PODXL: variants seen among roughly 807,000 people sequenced by gnomAD.
PODXL encodes the protein podocalyxin.
In PODXL, 20 loss-of-function variants were observed where a neutral mutation model predicts 48.9. That is an observed-to-expected ratio of 0.41 (90% CI 0.29 to 0.59). The LOEUF (loss-of-function observed/expected upper bound fraction) is 0.59. PODXL is among the 20% of genes least tolerant of loss of function. The probability of loss-of-function intolerance (pLI) is 0.31; values close to 1 mark genes in which losing one functional copy is unlikely to be tolerated. For synonymous variants in PODXL, 295 were observed against 287.4 expected, an observed-to-expected ratio of 1.03 and a Z score of -0.27; for missense variants, 606 against 675.1, an observed-to-expected ratio of 0.90 and a Z score of 1.13.
intron 1 of PODXL, among the ~76,000 whole-genome samples, chr7:131,546,493 AGGCG>A (rs1385557138): frequency 5.3e-5 from 8 of 152,028 alleles, no homozygotes; most frequent in South Asian, 2.1e-4. Context: ...TGGGAGGCTG[AGGCG>A]GGCGGATCAC....
At chr7:131,512,623 A>T (rs906702977) in intron 1 of PODXL, among the ~76,000 whole-genome samples, 6 of 152,168 alleles carry the variant, frequency 3.9e-5, no homozygotes, top group Non-Finnish European at 7.3e-5. Flanking sequence ...GCAGGGTCTT[A>T]TGACAGTGAT....
Position 131,520,323 on chromosome 7 carries a change from T to C in PODXL, c.101-8890A>G, listed in dbSNP as rs10229582. On this transcript the variant is annotated intron_variant, in intron 1 of 8. Transcript: ENST00000378555. The stretch of plus-strand genomic sequence containing the variant: ...GAGATGGGAACTCCAGATGTGCGCA[T>C]TGATACCAGGCTCATCAAAGCTGTC... The C allele has an allele frequency of 4.2e-3, 2,231 of 531,276 alleles. 37 individuals are homozygous for C. The highest frequency in any genetic ancestry group is 0.036 in the African/African-American group (1,902 of 52,118). The allele number at this position is 531,276 out of a possible 1,614,324, so 32.9% of individuals were successfully genotyped here. A position where few individuals can be genotyped will look rare whatever the true frequency, so the allele number is the denominator to read the frequency against.
At chr7:131,545,096 C>T (rs1276921038) in intron 1 of PODXL, among the ~76,000 whole-genome samples, 1 of 152,170 alleles carries the variant, frequency 6.6e-6, no homozygotes, top group Non-Finnish European at 1.5e-5. Context: ...AAGAGCCAGC[C>T]ACAGGCAACC....
chr7:131,508,942 G>C lies in PODXL; in HGVS notation c.1101+9C>G, dbSNP rs745440866. 20 of 1,604,956 alleles carry C rather than the reference G, an allele frequency of 1.2e-5. No homozygotes were observed. The highest frequency in any genetic ancestry group is 1.7e-5 in the Non-Finnish European group (20 of 1,171,846). On this transcript the variant is annotated intron_variant, in intron 5 of 8. Coordinates refer to ENST00000378555, the MANE Select transcript of PODXL (RefSeq NM_001018111.3). ...TGCACCTGGCGGCTCAGATCAGCAA[G>C]CTACTCACACAGAGGGTGTTTCCTG...
intron 1 of PODXL, among the ~76,000 whole-genome samples, chr7:131,537,722 T>C (rs1798401357): frequency 6.6e-6 from 1 of 152,104 alleles, no homozygotes; most frequent in Admixed American, 6.6e-5. Flanking sequence ...AAGCCCTGCC[T>C]GTGTTCCTCT....
intron 1 of PODXL, chr7:131,520,496 T>C (rs543213869): frequency 2.2e-5 from 4 of 179,198 alleles, no homozygotes; most frequent in South Asian, 1.2e-4. Context: ...ACAGTCAGTG[T>C]GGATGAGAAA....
Position 131,510,335 on chromosome 7 carries a change from GAAAAAAAAAAA to G in PODXL, c.707-15_707-5del, listed in dbSNP as rs56367324. ...ACATGGTGAAACACTGTCTCTACTTGAAAAAAAAAAAAAAAAAAAAAAAAAAATTAGCTGGT... is the reference window on the plus strand; with the variant it reads ...ACATGGTGAAACACTGTCTCTACTTGAAAAAAAAAAAAAAAATTAGCTGGT... On this transcript the variant is annotated splice_region_variant and splice_polypyrimidine_tract_variant and intron_variant, in intron 2 of 8. Transcript: ENST00000378555. The G allele has an allele frequency of 0.027, 2,153 of 80,074 alleles. 13 individuals carry two copies. Among genetic ancestry groups the G allele is most frequent in the Non-Finnish European group, 0.036 (1,703 of 46,888 alleles). 5.0% of individuals were successfully genotyped at this position (80,074 alleles called of 1,614,324 possible). A position where few individuals can be genotyped will look rare whatever the true frequency, so the allele number is the denominator to read the frequency against.
chr7:131,518,403 TCTC>T (rs773751831), intron 1 of PODXL, among the ~76,000 whole-genome samples: 47 of 152,210 alleles, frequency 3.1e-4, no homozygotes, highest in Non-Finnish European at 5.7e-4. Flanking sequence ...CAAGACCTCT[TCTC>T]CTGAACGGGT....
intron 1 of PODXL, among the ~76,000 whole-genome samples, chr7:131,550,006 CAG>C (rs968965235): frequency 6.6e-5 from 10 of 152,328 alleles, no homozygotes; most frequent in African/African-American, 2.2e-4. Flanking sequence ...GGCCAGGACT[CAG>C]AGACAATGCA....
rs572668968 is a variant in PODXL, at chr7:131,549,592, G to A, written c.100+6668C>T. 9.2e-5 allele frequency among the ~76,000 whole-genome samples: 14 copies of A among 152,300 alleles called. No homozygotes were observed. The East Asian group carries it at 2.7e-3, about 29-fold the overall frequency. On this transcript the variant is annotated intron_variant, in intron 1 of 8. Transcript: ENST00000378555. ...TGCCGTCCCTTCTACTCTGATCAGG[G>A]TCAGGTAGCTGGAAGGTTAAGAAAT...
At chr7:131,510,618 C>A (rs1281706397) in intron 2 of PODXL, among the ~76,000 whole-genome samples, 1 of 152,056 alleles carries the variant, frequency 6.6e-6, no homozygotes, top group African/African-American at 2.4e-5. Context: ...ATTACAGGCG[C>A]CTGCCACCAT....
chr7:131,529,053 G>C (rs187442504), intron 1 of PODXL, among the ~76,000 whole-genome samples: 4 of 151,262 alleles, frequency 2.6e-5, no homozygotes, highest in Non-Finnish European at 5.9e-5. Context: ...AGTTCAGGGG[G>C]GGAAACGGGA....
chr7:131,554,125 T>A (rs1798708365), intron 1 of PODXL, among the ~76,000 whole-genome samples: 1 of 152,100 alleles, frequency 6.6e-6, no homozygotes, highest in Admixed American at 6.6e-5. Context: ...TGGGGGGCAG[T>A]GTTTATGCTA....
intron 1 of PODXL, among the ~76,000 whole-genome samples, chr7:131,516,899 T>C (rs1798006064): frequency 6.6e-6 from 1 of 152,092 alleles, no homozygotes; most frequent in Admixed American, 6.6e-5. Context: ...CTGAGAAATT[T>C]TGTAGAAACA....
At chr7:131,523,678 C>CAAAAAAAAAAAAAAAAAAAAAAAA (rs753654977) in intron 1 of PODXL, among the ~76,000 whole-genome samples, 9 of 61,932 alleles carry the variant, frequency 1.5e-4, no homozygotes, top group Admixed American at 2.6e-4. Flanking sequence ...GAATCCGTCT[C>CAAAAAAAAAAAAAAAAAAAAAAAA]AAAAAAAAAA....
intron 1 of PODXL, among the ~76,000 whole-genome samples, chr7:131,545,664 C>A (rs1181173165): frequency 6.6e-6 from 1 of 152,096 alleles, no homozygotes; most frequent in Non-Finnish European, 1.5e-5. Flanking sequence ...AGGAAATGGT[C>A]CCATAGTTAA....
At chr7:131,509,131 A>G in intron 4 of PODXL, 103 bp from the exon 5 acceptor site, 1 of 1,076,450 alleles carries the variant, frequency 9.3e-7, no homozygotes, top group Non-Finnish European at 1.4e-6. Flanking sequence ...GTTCACGGCA[A>G]GCTGGAGGCA....
chr7:131,505,067 G>C (rs1797776019), intron 8 of PODXL, among the ~76,000 whole-genome samples: 1 of 152,162 alleles, frequency 6.6e-6, no homozygotes, highest in African/African-American at 2.4e-5. Flanking sequence ...GAGATTGTTT[G>C]AATTGGTGTG....
chr7:131,530,437 G>A (rs1364041556), intron 1 of PODXL, among the ~76,000 whole-genome samples: 1 of 152,058 alleles, frequency 6.6e-6, no homozygotes, highest in Non-Finnish European at 1.5e-5. Flanking sequence ...ACCTCTGTGT[G>A]TCTTGGGTGT....
Sources: gnomAD v4.1 joint callset for allele counts (sites outside exome capture counted in the v4.1 genomes callset) on GRCh38, gnomAD v4.1.1 for gene constraint, MANE v1.5 for transcripts, NCBI Gene and HGNC (gene_info 2026-07-23, HGNC 2026-07-21) for gene names.